The following XYLB variants were observed in gnomAD, a reference collection of about 807,000 sequenced individuals.
The protein encoded by XYLB is xylulokinase.
In XYLB, 62 loss-of-function variants were observed where a neutral mutation model predicts 78.7. The ratio of observed to expected loss-of-function variants is 0.79; its 90% confidence interval spans 0.64 to 0.97. The LOEUF (loss-of-function observed/expected upper bound fraction) is 0.97, where lower values mean the gene tolerates loss of function less well. Among genes scored for constraint, XYLB ranks in the 50% least tolerant of loss-of-function variants. The pLI, the probability that XYLB is intolerant of heterozygous loss-of-function variation, is 0.00. For missense variants in XYLB, 687 were observed against 676.8 expected (o/e 1.02, Z -0.17); for synonymous variants, 245 against 247.4 (o/e 0.99, Z 0.09).
chr3:38,351,496 G>A (rs1176070717), intron 2 of XYLB, among the ~76,000 whole-genome samples: 2 of 152,054 alleles, frequency 1.3e-5, no homozygotes, highest in African/African-American at 4.8e-5. Context: ...CACCTCAATT[G>A]CATTGTGGGT....
At chr3:38,364,134 C>T (rs1415316163) in intron 4 of XYLB, among the ~76,000 whole-genome samples, 6 of 152,016 alleles carry the variant, frequency 3.9e-5, no homozygotes, top group Non-Finnish European at 8.8e-5. Context: ...TTCTGTCTCC[C>T]TTCAGACCTC....
chr3:38,411,153 A>G (rs1038082860), intron 18 of XYLB, among the ~76,000 whole-genome samples: 7 of 152,282 alleles, frequency 4.6e-5, no homozygotes, highest in African/African-American at 9.6e-5. Flanking sequence ...ATGATAGACT[A>G]GATTAAGAAA....
the XYLB span, among the ~76,000 whole-genome samples, chr3:38,430,091 A>G: frequency 6.6e-6 from 1 of 152,186 alleles, no homozygotes; most frequent in Non-Finnish European, 1.5e-5. Context: ...TCACTGGGTC[A>G]AACAGTATTC....
At chr3:38,409,199 G>C (rs1019227345) in intron 18 of XYLB, among the ~76,000 whole-genome samples, 5 of 152,088 alleles carry the variant, frequency 3.3e-5, no homozygotes, top group Non-Finnish European at 5.9e-5. Context: ...TGATCAAGTG[G>C]GCCTCATCCC....
At chr3:38,409,423 C>A (rs1236291744) in intron 18 of XYLB, among the ~76,000 whole-genome samples, 3 of 152,154 alleles carry the variant, frequency 2.0e-5, no homozygotes, top group Non-Finnish European at 4.4e-5. Context: ...AACCCACAGC[C>A]AATATCATAC....
intron 18 of XYLB, among the ~76,000 whole-genome samples, chr3:38,402,666 G>A (rs1019063328): frequency 5.3e-5 from 8 of 152,190 alleles, no homozygotes; most frequent in African/African-American, 1.9e-4. Context: ...TCTGTGAAGT[G>A]GGCACACCAT....
intron 8 of XYLB, 86 bp from the exon 9 acceptor site, chr3:38,369,970 A>T: frequency 8.8e-7 from 1 of 1,138,812 alleles, no homozygotes. Flanking sequence ...GTGGCAAGAG[A>T]ATTATCTGCT....
At chr3:38,435,066 G>T in the XYLB span, among the ~76,000 whole-genome samples, 21 of 151,204 alleles carry the variant, frequency 1.4e-4, no homozygotes, top group Non-Finnish European at 2.7e-4. Flanking sequence ...AACCCAGGAG[G>T]CAGAGATTGC....
downstream of XYLB, among the ~76,000 whole-genome samples, chr3:38,423,227 C>A (rs901026027): frequency 6.6e-6 from 1 of 152,120 alleles, no homozygotes; most frequent in Non-Finnish European, 1.5e-5. Flanking sequence ...CGCCCACCAC[C>A]ACGCCCGGCT....
intron 15 of XYLB, among the ~76,000 whole-genome samples, chr3:38,390,404 G>C (rs1470589047): frequency 6.6e-6 from 1 of 152,044 alleles, no homozygotes; most frequent in Non-Finnish European, 1.5e-5. Context: ...AGTAGAGACG[G>C]GGTTTCACCA....
At chr3:38,401,833 C>T (rs1307220986) in intron 18 of XYLB, among the ~76,000 whole-genome samples, 1 of 152,158 alleles carries the variant, frequency 6.6e-6, no homozygotes, top group African/African-American at 2.4e-5. Flanking sequence ...GCATCCGCCA[C>T]ACCACTGCAC....
chr3:38,401,404 G>T (rs1198341297), intron 18 of XYLB, among the ~76,000 whole-genome samples: 1 of 152,190 alleles, frequency 6.6e-6, no homozygotes, highest in Non-Finnish European at 1.5e-5. Context: ...CTTGTTGCAG[G>T]TTGGGTCCCT....
intron 7 of XYLB, 129 bp from the exon 8 acceptor site, chr3:38,368,056 C>T: frequency 1.2e-6 from 1 of 807,086 alleles, no homozygotes; most frequent in South Asian, 1.5e-5. Flanking sequence ...TCCACCATTA[C>T]TTGGGCCTTT....
chr3:38,438,267 AAAAAT>A, the XYLB span, among the ~76,000 whole-genome samples: 7 of 152,146 alleles, frequency 4.6e-5, no homozygotes, highest in South Asian at 2.1e-4. Context: ...AAAAGCTACA[AAAAAT>A]AAAATAAAAT....
chr3:38,383,665 A>G (rs990533007), intron 15 of XYLB, among the ~76,000 whole-genome samples: 3 of 150,940 alleles, frequency 2.0e-5, no homozygotes, highest in African/African-American at 7.3e-5. Context: ...GGTCCCAGCT[A>G]CTGGGGGTGG....
chr3:38,425,877 T>C (rs753973336), downstream of XYLB, among the ~76,000 whole-genome samples: 2 of 152,196 alleles, frequency 1.3e-5, no homozygotes, highest in Non-Finnish European at 2.9e-5. Context: ...ATCATGGGAC[T>C]TGTCAAGAAT....
rs189727857 is a variant in XYLB, at chr3:38,383,512, G to T, written c.1291+4170G>T. ...GAAAAATAAAGAAAATGGGCCTGGT[G>T]CTCACACCTGTAATCCCAGCACTTT... is the stretch of plus-strand genomic sequence containing the variant. On this transcript the variant is annotated intron_variant, in intron 15 of 18. Transcript: ENST00000207870. 3.9e-3 allele frequency among the ~76,000 whole-genome samples: 588 copies of T among 152,338 alleles called. 2 individuals are homozygous for T. Among genetic ancestry groups the T allele is most frequent in the Non-Finnish European group, 6.6e-3 (449 of 68,030 alleles).
At chr3:38,429,547 G>A in the XYLB span, among the ~76,000 whole-genome samples, 54 of 152,158 alleles carry the variant, frequency 3.5e-4, no homozygotes, top group African/African-American at 1.0e-3. Context: ...TTCTCCTGAG[G>A]CCTCTCTCTT....
chr3:38,419,596 A>ATCCCT (rs1261463409), downstream of XYLB, among the ~76,000 whole-genome samples: 2 of 122,014 alleles, frequency 1.6e-5, no homozygotes, highest in Non-Finnish European at 3.7e-5. Context: ...ATATATATAT[A>ATCCCT]TATATATAAT....
Sources: gnomAD v4.1 joint callset for allele counts (sites outside exome capture counted in the v4.1 genomes callset) on GRCh38, gnomAD v4.1.1 for gene constraint, MANE v1.5 for transcripts, NCBI Gene and HGNC (gene_info 2026-07-23, HGNC 2026-07-21) for gene names.